Variants in TMCC3 observed in about 807,000 individuals in gnomAD.
TMCC3 encodes the protein transmembrane and coiled-coil domain protein 3.
A neutral mutation model predicts 40.2 loss-of-function variants in TMCC3; 28 were observed. That is an observed-to-expected ratio of 0.70 (90% CI 0.52 to 0.95). The LOEUF (loss-of-function observed/expected upper bound fraction) is 0.95, where lower values mean the gene tolerates loss of function less well. Ranked by LOEUF, TMCC3 falls within the 40% of genes least tolerant of loss-of-function variation. TMCC3 has a pLI of 0.00. For missense variants in TMCC3, 554 were observed against 615.2 expected (o/e 0.90, Z 1.05); for synonymous variants, 255 against 248.5 (o/e 1.03, Z -0.25).
In TMCC3 at chr12:94,650,465, G is replaced by A; in HGVS notation, c.-35C>T. 1.6e-6 allele frequency: 2 copies of A among 1,247,680 alleles called. No individual in the cohort carries two copies. The highest frequency in any genetic ancestry group is 2.0e-6 in the Non-Finnish European group (2 of 992,088). 77.3% of individuals were successfully genotyped at this position (1,247,680 alleles called of 1,614,324 possible). A position where few individuals can be genotyped will look rare whatever the true frequency, so the allele number is the denominator to read the frequency against. The stretch of plus-strand genomic sequence containing the variant: ...CCGGCCGCGAACTTTCCCGTCTTCT[G>A]GGGCTGCCGCGCCGCGAGCCACCGG... On this transcript the variant is annotated 5_prime_UTR_variant, in exon 1 of 4. Coordinates refer to ENST00000261226, the MANE Select transcript of TMCC3 (RefSeq NM_020698.4).
rs1270566187 is a variant in TMCC3 at position 94,567,239 on chromosome 12, C to A, written c.*4196G>T. The A allele has an allele frequency of 6.6e-6, 1 of 152,204 alleles. No individual in the cohort carries two copies. Among genetic ancestry groups the A allele is most frequent in the Non-Finnish European group, 1.5e-5 (1 of 68,034 alleles). The allele number at this position is 152,204 out of a possible 1,614,324, so 9.4% of individuals were successfully genotyped here. Reference sequence around the variant, plus strand: ...GATGACACCACAATGGGGTGAAGATCTACAGGGAATTTACAATTTTAGGCT... The same window carrying A: ...GATGACACCACAATGGGGTGAAGATATACAGGGAATTTACAATTTTAGGCT... On this transcript the variant is annotated 3_prime_UTR_variant, in exon 4 of 4. Coordinates refer to ENST00000261226, the MANE Select transcript of TMCC3 (RefSeq NM_020698.4).
intron 1 of TMCC3, 93 bp downstream of exon 1, chr12:94,650,260 C>G (rs895081010): frequency 2.7e-5 from 22 of 808,086 alleles, no homozygotes; most frequent in Non-Finnish European, 3.5e-5. Flanking sequence ...GGCGAAACGC[C>G]GGGGGCGCGT....
intron 1 of TMCC3, among the ~76,000 whole-genome samples, chr12:94,642,191 C>G (rs541747600): frequency 8.5e-5 from 13 of 152,274 alleles, no homozygotes; most frequent in African/African-American, 2.9e-4. Context: ...GTAAAGCAAT[C>G]CTTTTTAAAG....
intron 1 of TMCC3, among the ~76,000 whole-genome samples, chr12:94,627,630 A>G (rs745508931): frequency 6.6e-6 from 1 of 152,206 alleles, no homozygotes; most frequent in Non-Finnish European, 1.5e-5. Flanking sequence ...CAAGGAGTCC[A>G]TGCATGCTGT....
At chr12:94,625,555 C>T (rs1042012834) in intron 1 of TMCC3, among the ~76,000 whole-genome samples, 13 of 146,566 alleles carry the variant, frequency 8.9e-5, no homozygotes, top group African/African-American at 3.3e-4. Context: ...AATCGTGCCA[C>T]TGCACTCCAG....
At chr12:94,621,198 C>CTGCCT (rs2068874102) in intron 1 of TMCC3, among the ~76,000 whole-genome samples, 1 of 152,192 alleles carries the variant, frequency 6.6e-6, no homozygotes, top group Non-Finnish European at 1.5e-5. Context: ...TTGCAGTACT[C>CTGCCT]TAAGATTTTA....
At chr12:94,587,307 C>T (rs185496449) in intron 1 of TMCC3, among the ~76,000 whole-genome samples, 5 of 152,156 alleles carry the variant, frequency 3.3e-5, no homozygotes, top group East Asian at 1.9e-4. Context: ...GTCACCTCTA[C>T]GGGCTTCCAT....
Position 94,582,127 on chromosome 12 carries a change from G to A in TMCC3, c.490C>T (p.His164Tyr), listed in dbSNP as rs750736589. The A allele has an allele frequency of 1.9e-6, 3 of 1,614,174 alleles. No individual in the cohort carries two copies. Among genetic ancestry groups the A allele is most frequent in the Non-Finnish European group, 1.7e-6 (2 of 1,180,036 alleles). The change falls in exon 2 of 4, where the codon CAT (histidine) becomes TAT (tyrosine). Residue 164 changes from histidine (H) to tyrosine (Y), a missense_variant. Physicochemically the swap from His to Tyr is moderately conservative, Grantham distance 83 (BLOSUM62 2). Coordinates refer to ENST00000261226, the MANE Select transcript of TMCC3 (RefSeq NM_020698.4). ...DISKDHLKDIHRSLKDAHVKS... is the reference protein window; with the variant it reads ...DISKDHLKDIYRSLKDAHVKS... The stretch of plus-strand genomic sequence containing the variant: ...ACGTGGGCATCTTTCAAAGAGCGAT[G>A]TATATCCTTCAGGTGGTCTTTGGAA...
At chr12:94,641,889 T>C (rs1444618538) in intron 1 of TMCC3, among the ~76,000 whole-genome samples, 1 of 151,412 alleles carries the variant, frequency 6.6e-6, no homozygotes, top group Non-Finnish European at 1.5e-5. Flanking sequence ...ACTGAAAAAA[T>C]GAAGACACTA....
intron 1 of TMCC3, among the ~76,000 whole-genome samples, chr12:94,610,432 A>T (rs1345847034): frequency 6.7e-6 from 1 of 150,248 alleles, no homozygotes; most frequent in Non-Finnish European, 1.5e-5. Flanking sequence ...AGGCAGGCAA[A>T]AAAAAAAAAA....
intron 1 of TMCC3, among the ~76,000 whole-genome samples, chr12:94,584,667 G>A (rs1278464792): frequency 1.3e-5 from 2 of 150,864 alleles, no homozygotes; most frequent in African/African-American, 2.4e-5. Flanking sequence ...ACAAACATTC[G>A]TTAGCATTAG....
intron 2 of TMCC3, among the ~76,000 whole-genome samples, chr12:94,580,192 GA>G (rs1186210944): frequency 1.3e-5 from 2 of 151,972 alleles, no homozygotes; most frequent in Non-Finnish European, 2.9e-5. Flanking sequence ...TATTAACTTT[GA>G]CTAAAAAACT....
chr12:94,650,263 G>A (rs2069048485), intron 1 of TMCC3, 90 bp downstream of exon 1: 2 of 817,718 alleles, frequency 2.4e-6, no homozygotes. Flanking sequence ...GAAACGCCGG[G>A]GGCGCGTGGG....
rs1338561261 is a variant in TMCC3, at chr12:94,594,686, T to C, written c.79-12148A>G. Among the ~76,000 whole-genome samples, 3 of 152,206 alleles carry C rather than the reference T, an allele frequency of 2.0e-5. No homozygotes were observed. The East Asian group carries it at 5.8e-4, about 29-fold the overall frequency. On this transcript the variant is annotated intron_variant, in intron 1 of 3. Transcript: ENST00000261226. Reference sequence around the variant, plus strand: ...CAGGAAAAACGAGTCTCTGAGGCCCTTAGTCAGAGAGCAGAGAAAAGAGGC... The same window carrying C: ...CAGGAAAAACGAGTCTCTGAGGCCCCTAGTCAGAGAGCAGAGAAAAGAGGC...
chr12:94,640,931 G>A (rs754252180), intron 1 of TMCC3, among the ~76,000 whole-genome samples: 8 of 152,226 alleles, frequency 5.3e-5, no homozygotes, highest in Non-Finnish European at 7.3e-5. Flanking sequence ...CAGGTGCAGT[G>A]GCTCATGCCT....
intron 1 of TMCC3, among the ~76,000 whole-genome samples, chr12:94,633,400 A>G (rs1314169239): frequency 1.3e-5 from 2 of 152,232 alleles, no homozygotes; most frequent in African/African-American, 4.8e-5. Context: ...AAATGTCAAC[A>G]TTCATTAAAT....
Position 94,567,715 on chromosome 12 carries a change from C to T in TMCC3, c.*3720G>A, listed in dbSNP as rs2068503227. 1 of 152,172 alleles carries T rather than the reference C, an allele frequency of 6.6e-6. No homozygotes were observed. The highest frequency in any genetic ancestry group is 6.5e-5 in the Admixed American group (1 of 15,282). 9.4% of individuals were successfully genotyped at this position (152,172 alleles called of 1,614,324 possible). Reference sequence around the variant, plus strand: ...GAATTTTAAGTGGTGCCATTTCTTCCTACCCCCAGCCCACTCCTCAGAATT... The same window carrying T: ...GAATTTTAAGTGGTGCCATTTCTTCTTACCCCCAGCCCACTCCTCAGAATT... On this transcript the variant is annotated 3_prime_UTR_variant, in exon 4 of 4. Coordinates refer to ENST00000261226, the MANE Select transcript of TMCC3 (RefSeq NM_020698.4).
At chr12:94,630,111 CA>C (rs2068924566) in intron 1 of TMCC3, among the ~76,000 whole-genome samples, 1 of 151,994 alleles carries the variant, frequency 6.6e-6, no homozygotes, top group African/African-American at 2.4e-5. Context: ...ACAAAAAATA[CA>C]AAAATTAGCC....
intron 1 of TMCC3, among the ~76,000 whole-genome samples, chr12:94,620,856 A>G (rs1055555756): frequency 2.6e-5 from 4 of 152,182 alleles, no homozygotes; most frequent in Non-Finnish European, 4.4e-5. Context: ...TGACTCTTCT[A>G]CAATCTAAGT....
Sources: gnomAD v4.1 joint callset for allele counts (sites outside exome capture counted in the v4.1 genomes callset) on GRCh38, gnomAD v4.1.1 for gene constraint, MANE v1.5 for transcripts, NCBI Gene and HGNC (gene_info 2026-07-23, HGNC 2026-07-21) for gene names.